NRXN3: variants seen among roughly 807,000 people sequenced by gnomAD.
The protein encoded by NRXN3 is neurexin 3.
Under a neutral mutation model 137.6 loss-of-function variants are expected in NRXN3, and 32 were observed. The observed-to-expected ratio is 0.23, with a 90% CI of 0.18 to 0.31. The LOEUF is 0.31. NRXN3 is among the 10% of genes least tolerant of loss of function. NRXN3 has a pLI of 1.00. For missense variants in NRXN3, 1,574 were observed against 2,062.5 expected (o/e 0.76, Z 4.59); for synonymous variants, 798 against 784.5 (o/e 1.02, Z -0.29).
chr14:78,390,886 A>G (rs1208039609), intron 4 of NRXN3, among the ~76,000 whole-genome samples: 3 of 152,114 alleles, frequency 2.0e-5, no homozygotes, highest in Non-Finnish European at 4.4e-5. Context: ...ACCCATCACT[A>G]GGTATTAAGC....
intron 4 of NRXN3, among the ~76,000 whole-genome samples, chr14:78,522,930 C>T (rs968419411): frequency 2.0e-5 from 3 of 152,196 alleles, no homozygotes; most frequent in African/African-American, 7.2e-5. Context: ...ACCCTGAATC[C>T]AGCCACACTT....
chr14:78,971,338 A>G (rs185230052), intron 14 of NRXN3, among the ~76,000 whole-genome samples: 26 of 152,210 alleles, frequency 1.7e-4, no homozygotes, highest in Admixed American at 6.5e-4. Context: ...GTAAACAAGT[A>G]GGGGATGAGG....
chr14:79,008,185 T>C (rs758994470), intron 15 of NRXN3, among the ~76,000 whole-genome samples: 1 of 152,210 alleles, frequency 6.6e-6, no homozygotes, highest in Non-Finnish European at 1.5e-5. Context: ...TCAACTCTGT[T>C]AAACCTTGTC....
At chr14:79,431,785 C>T (rs1275266457) in intron 15 of NRXN3, among the ~76,000 whole-genome samples, 1 of 151,038 alleles carries the variant, frequency 6.6e-6, no homozygotes, top group Non-Finnish European at 1.5e-5. Flanking sequence ...GAAAAAAAAA[C>T]TCTACGCAGT....
intron 15 of NRXN3, among the ~76,000 whole-genome samples, chr14:79,144,072 C>G (rs752282861): frequency 6.6e-6 from 1 of 152,196 alleles, no homozygotes; most frequent in Non-Finnish European, 1.5e-5. Flanking sequence ...AAGGCACTTA[C>G]GTTGTGGGAC....
At chr14:79,508,390 A>ATTTTCTTTTTTTTTTTTTTTTTTT (rs2096898620) in intron 16 of NRXN3, among the ~76,000 whole-genome samples, 1 of 48,240 alleles carries the variant, frequency 2.1e-5, no homozygotes, top group Non-Finnish European at 4.0e-5. Flanking sequence ...ACAATAACTG[A>ATTTTCTTTTTTTTTTTTTTTTTTT]TTTTTTTTTT....
chr14:78,756,069 G>T (rs1039697323), intron 8 of NRXN3, among the ~76,000 whole-genome samples: 8 of 152,282 alleles, frequency 5.3e-5, no homozygotes, highest in Middle Eastern at 3.4e-3. Flanking sequence ...TACCATTAGG[G>T]TAGTCTCTTT....
intron 10 of NRXN3, among the ~76,000 whole-genome samples, chr14:78,886,770 G>T (rs1509151): frequency 0.083 from 12,599 of 152,138 alleles, 843 homozygotes; most frequent in African/African-American, 0.17. Flanking sequence ...ATCCTTCTTT[G>T]TGCCTTTGGG....
At position 78,968,217 on chromosome 14, in the gene NRXN3, C is replaced by T; in HGVS notation, c.3013C>T (p.Leu1005Phe). The change falls in exon 14 of 21, where the codon CTC becomes TTC. Residue 1005 changes from leucine (L) to phenylalanine (F), a missense_variant. This residue lies in a region of NRXN3 where 718 missense variants were observed against 887.6 expected (regional missense o/e 0.81). Coordinates refer to ENST00000335750, the MANE Select transcript of NRXN3 (RefSeq NM_001330195.2). The part of the protein sequence containing the change: ...AGLAQGMYSN[L>F]PKLVASRDGF... ...TCTGGCCCAAGGCATGTACAGCAACCTCCCAAAGCTCGTGGCCTCTCGAGA... is the reference window on the plus strand; with the variant it reads ...TCTGGCCCAAGGCATGTACAGCAACTTCCCAAAGCTCGTGGCCTCTCGAGA... 6.2e-7 allele frequency: 1 copy of T among 1,614,006 alleles called. No individual in the cohort carries two copies. The highest frequency in any genetic ancestry group is 8.5e-7 in the Non-Finnish European group (1 of 1,179,934).
chr14:79,434,103 A>C (rs1167154978), intron 15 of NRXN3, among the ~76,000 whole-genome samples: 1 of 152,194 alleles, frequency 6.6e-6, no homozygotes, highest in East Asian at 1.9e-4. Flanking sequence ...TGTAGCACGT[A>C]GCACTAATCA....
At chr14:78,977,034 T>G (rs868684076) in intron 14 of NRXN3, among the ~76,000 whole-genome samples, 1 of 152,296 alleles carries the variant, frequency 6.6e-6, no homozygotes, top group Middle Eastern at 3.4e-3. Context: ...CATTTAATCT[T>G]CACACCATAT....
intron 6 of NRXN3, among the ~76,000 whole-genome samples, chr14:78,683,376 C>T (rs567554787): frequency 1.5e-3 from 230 of 152,194 alleles, no homozygotes; most frequent in African/African-American, 5.3e-3. Context: ...GTCATTCATC[C>T]GAATTAGCTT....
At chr14:78,479,633 A>G (rs1208484825) in intron 4 of NRXN3, among the ~76,000 whole-genome samples, 1 of 152,230 alleles carries the variant, frequency 6.6e-6, no homozygotes, top group African/African-American at 2.4e-5. Flanking sequence ...GCAATTTTAA[A>G]TGAGCTCTTC....
intron 4 of NRXN3, among the ~76,000 whole-genome samples, chr14:78,497,997 T>G (rs1384289499): frequency 6.6e-6 from 1 of 152,220 alleles, no homozygotes; most frequent in Non-Finnish European, 1.5e-5. Flanking sequence ...AGTTTATTCC[T>G]TTGCAGTTCA....
chr14:78,380,188 T>G (rs2088774308), intron 4 of NRXN3, among the ~76,000 whole-genome samples: 1 of 152,014 alleles, frequency 6.6e-6, no homozygotes, highest in Non-Finnish European at 1.5e-5. Context: ...TGAATTGATA[T>G]CCAGGTTGTA....
At chr14:78,479,676 T>C (rs1237807959) in intron 4 of NRXN3, among the ~76,000 whole-genome samples, 1 of 152,166 alleles carries the variant, frequency 6.6e-6, no homozygotes, top group African/African-American at 2.4e-5. Flanking sequence ...TGAACTATGG[T>C]GGAGGTTAAT....
At chr14:78,467,689 C>G (rs1054668725) in intron 4 of NRXN3, among the ~76,000 whole-genome samples, 8 of 152,244 alleles carry the variant, frequency 5.3e-5, no homozygotes, top group Admixed American at 1.3e-4. Context: ...CTATTAACAT[C>G]TCACCACTGT....
At chr14:78,221,760 A>T (rs1882820) in intron 1 of NRXN3, among the ~76,000 whole-genome samples, 2 of 151,946 alleles carry the variant, frequency 1.3e-5, no homozygotes, top group African/African-American at 2.4e-5. Context: ...GACCTGTTGG[A>T]ACTGGTGGGC....
intron 10 of NRXN3, among the ~76,000 whole-genome samples, chr14:78,871,705 TCTTGGA>T (rs757214496): frequency 1.3e-5 from 2 of 152,142 alleles, no homozygotes; most frequent in Non-Finnish European, 2.9e-5. Flanking sequence ...AGAAGTCTTG[TCTTGGA>T]CATCCAGTCT....
Sources: allele counts gnomAD v4.1 joint callset (sites outside exome capture counted in the v4.1 genomes callset), GRCh38; gene constraint gnomAD v4.1.1; regional missense constraint gnomAD v4.1.1; transcripts MANE v1.5; gene names NCBI Gene and HGNC (gene_info 2026-07-23, HGNC 2026-07-21).